The following SMPD3 variants were observed in gnomAD, a reference collection of about 807,000 sequenced individuals.
The protein encoded by SMPD3 is nSMase-2.
Under a neutral mutation model 55.7 loss-of-function variants are expected in SMPD3, and 21 were observed. The observed-to-expected ratio is 0.38, with a 90% CI of 0.27 to 0.54. The LOEUF (loss-of-function observed/expected upper bound fraction) is 0.54, where lower values mean the gene tolerates loss of function less well. Among genes scored for constraint, SMPD3 ranks in the 20% least tolerant of loss-of-function variants. The pLI is 0.80. For synonymous variants in SMPD3, 457 were observed against 404.3 expected, an observed-to-expected ratio of 1.13 and a Z score of -1.56; for missense variants, 842 against 899.6, an observed-to-expected ratio of 0.94 and a Z score of 0.82.
chr16:68,363,619 G>C (rs992554013), intron 6 of SMPD3, 60 bp from the exon 7 acceptor site: 4 of 1,539,310 alleles, frequency 2.6e-6, no homozygotes, highest in African/African-American at 1.4e-5. Flanking sequence ...AGCCTCTAGG[G>C]GGTGGCCTCT....
intron 1 of SMPD3, among the ~76,000 whole-genome samples, chr16:68,444,401 C>T (rs1290473024): frequency 6.6e-6 from 1 of 152,234 alleles, no homozygotes; most frequent in Admixed American, 6.5e-5. Flanking sequence ...CTGCCACTTG[C>T]ATGCGTGTTC....
At chr16:68,364,621 TA>T in intron 5 of SMPD3, 129 bp downstream of exon 5, 3 of 1,073,178 alleles carry the variant, frequency 2.8e-6, no homozygotes, top group Non-Finnish European at 4.0e-6. Context: ...TCAGTCTTGC[TA>T]AATACCCCGC....
chr16:68,398,060 A>G (rs1013260882), intron 1 of SMPD3, among the ~76,000 whole-genome samples: 1 of 145,474 alleles, frequency 6.9e-6, no homozygotes, highest in African/African-American at 2.7e-5. Context: ...GGAGGGAGGG[A>G]GTCCAAGAGG....
chr16:68,442,422 A>T (rs1444992993), intron 1 of SMPD3, among the ~76,000 whole-genome samples: 2 of 152,216 alleles, frequency 1.3e-5, no homozygotes, highest in Non-Finnish European at 2.9e-5. Context: ...ATAAGAAAGG[A>T]CTTATCCCAC....
At chr16:68,402,796 G>A (rs571917042) in intron 1 of SMPD3, among the ~76,000 whole-genome samples, 3 of 152,348 alleles carry the variant, frequency 2.0e-5, no homozygotes, top group South Asian at 4.1e-4. Flanking sequence ...ATGCTGGAAT[G>A]CATTCAATAG....
intron 1 of SMPD3, among the ~76,000 whole-genome samples, chr16:68,435,272 T>C (rs1031145493): frequency 2.0e-5 from 3 of 152,160 alleles, no homozygotes; most frequent in Admixed American, 6.5e-5. Context: ...TCAGGGCCTA[T>C]TGGTCTCAGC....
intron 5 of SMPD3, chr16:68,364,374 A>G (rs779574389): frequency 8.3e-6 from 2 of 242,294 alleles, no homozygotes; most frequent in South Asian, 7.4e-5. Context: ...GAGACATGCA[A>G]TGCTTCCCTC....
intron 2 of SMPD3, among the ~76,000 whole-genome samples, chr16:68,379,672 C>A (rs916928971): frequency 6.6e-6 from 1 of 152,158 alleles, no homozygotes; most frequent in African/African-American, 2.4e-5. Context: ...GCTGCTTGTG[C>A]GAGCCCAAGG....
intron 1 of SMPD3, among the ~76,000 whole-genome samples, chr16:68,422,817 G>T (rs567017789): frequency 6.6e-6 from 1 of 152,204 alleles, no homozygotes; most frequent in East Asian, 1.9e-4. Flanking sequence ...TCTGGGCTGG[G>T]CTGCACTGGT....
intron 1 of SMPD3, among the ~76,000 whole-genome samples, chr16:68,438,790 C>T (rs569416849): frequency 1.3e-5 from 2 of 152,168 alleles, no homozygotes; most frequent in South Asian, 4.2e-4. Context: ...CACAAATCAC[C>T]CTCCCTCCTT....
At chr16:68,374,716 G>A (rs2089765035) in intron 2 of SMPD3, among the ~76,000 whole-genome samples, 1 of 152,154 alleles carries the variant, frequency 6.6e-6, no homozygotes, top group Non-Finnish European at 1.5e-5. Flanking sequence ...TCCCTCCCAG[G>A]CTGGAGGGTT....
At chr16:68,394,440 G>C (rs1396192913) in intron 1 of SMPD3, among the ~76,000 whole-genome samples, 1 of 152,024 alleles carries the variant, frequency 6.6e-6, no homozygotes, top group Non-Finnish European at 1.5e-5. Flanking sequence ...TTTCTGATCT[G>C]TTTCTGTCAG....
chr16:68,407,752 C>T (rs1468026273), intron 1 of SMPD3, among the ~76,000 whole-genome samples: 5 of 151,888 alleles, frequency 3.3e-5, no homozygotes, highest in Non-Finnish European at 7.4e-5. Flanking sequence ...GCTTCTTATG[C>T]CTTATTGTTT....
chr16:68,428,950 C>T (rs2090458818), intron 1 of SMPD3, among the ~76,000 whole-genome samples: 1 of 152,224 alleles, frequency 6.6e-6, no homozygotes, highest in African/African-American at 2.4e-5. Flanking sequence ...CAGAGCAGGT[C>T]AGCCTAGTCA....
rs537905064 is a variant in SMPD3 at position 68,371,641 on chromosome 16, C to T, written c.541G>A (p.Ala181Thr). ...GACACCAGGCTGCTGAAGCTAGCGG[C>T]GCTGATGGAGGTATTGGTGGGGGAG... ...IDSPTNTSIS[A>T]ASFSSLVSPQ... The change falls in exon 3 of 9, where the codon GCC (alanine) becomes ACC (threonine). Residue 181 changes from alanine to threonine, a missense_variant. Around this residue, in one of 2 missense-constraint regions of SMPD3, gnomAD observed 193 missense variants for 256.0 expected, o/e 0.75. Transcript: ENST00000219334. The T allele has an allele frequency of 3.8e-6, 6 of 1,565,424 alleles. No homozygotes were observed. Among genetic ancestry groups the T allele is most frequent in the South Asian group, 1.2e-5 (1 of 82,988 alleles).
chr16:68,386,469 G>T (rs1241553111), intron 2 of SMPD3, 129 bp downstream of exon 2: 1 of 152,118 alleles, frequency 6.6e-6, no homozygotes, highest in Admixed American at 6.5e-5. Context: ...ACAGGCGGGA[G>T]AGCCTTTTCC....
chr16:68,361,450 G>A lies in SMPD3; in HGVS notation c.1867-143C>T. 4 of 1,376,858 alleles carry A rather than the reference G, an allele frequency of 2.9e-6. No individual in the cohort carries two copies. In the African/African-American group the frequency reaches 5.7e-5, roughly 20 times the overall value. The allele number at this position is 1,376,858 out of a possible 1,614,324, so 85.3% of individuals were successfully genotyped here. On this transcript the variant is annotated intron_variant, in intron 8 of 8. Coordinates refer to ENST00000219334, the MANE Select transcript of SMPD3 (RefSeq NM_018667.4). The stretch of plus-strand genomic sequence containing the variant: ...TGCAGTCAGAGGGATGGGGCCTGGA[G>A]GACCTGGGGCCCTAAGGGTCTGAGG...
At chr16:68,363,699 T>A in intron 6 of SMPD3, 78 bp downstream of exon 6, 3 of 1,469,258 alleles carry the variant, frequency 2.0e-6, no homozygotes, top group Non-Finnish European at 2.8e-6. Flanking sequence ...TGGGGTCTTG[T>A]GGGGTAGGTC....
intron 3 of SMPD3, chr16:68,370,198 A>G (rs2089613553): frequency 6.6e-6 from 1 of 152,606 alleles, no homozygotes; most frequent in South Asian, 2.1e-4. Context: ...CTCCAATCGA[A>G]TCCAAATTAG....
Sources: allele counts gnomAD v4.1 joint callset (sites outside exome capture counted in the v4.1 genomes callset), GRCh38; gene constraint gnomAD v4.1.1; regional missense constraint gnomAD v4.1.1; transcripts MANE v1.5; gene names NCBI Gene and HGNC (gene_info 2026-07-23, HGNC 2026-07-21).